Variants in ZMYND11 observed in about 807,000 individuals in gnomAD.
ZMYND11 encodes the protein zinc finger MYND-type containing 11, also known as zinc finger MYND domain-containing protein 11.
ZMYND11 carries 9 observed loss-of-function variants against 84.9 expected under a neutral mutation model. That is an observed-to-expected ratio of 0.11 (90% CI 0.06 to 0.18). The LOEUF is 0.18. Among genes scored for constraint, ZMYND11 ranks in the 10% least tolerant of loss-of-function variants. The probability of loss-of-function intolerance (pLI) is 1.00; values close to 1 mark genes in which losing one functional copy is unlikely to be tolerated. For synonymous variants in ZMYND11, 250 were observed against 244.1 expected (o/e 1.02, Z -0.23); for missense variants, 409 against 761.0 (o/e 0.54, Z 5.44).
In ZMYND11 at chr10:240,964, T is replaced by C; in HGVS notation, c.825T>C (p.Tyr275=). 6.2e-7 allele frequency: 1 copy of C among 1,613,408 alleles called. No individual in the cohort carries two copies. The highest frequency in any genetic ancestry group is 8.5e-7 in the Non-Finnish European group (1 of 1,179,708). The change falls in exon 9 of 15, where the codon TAT becomes TAC. Residue 275 remains tyrosine (Y), a synonymous_variant. Transcript: ENST00000381604. ...SNARPDNWFC[Y]PCIPNHELVW... is the part of the protein sequence containing the mutation. ...CTCGTCCTGACAACTGGTTCTGTTA[T>C]CCTTGTGTATGTGAAATTTTTACCT...
At chr10:131,954 G>C (rs1361008658), upstream of ZMYND11, among the ~76,000 whole-genome samples, 3 of 152,188 alleles carry the variant, frequency 2.0e-5, no homozygotes, top group African/African-American at 7.2e-5. Context: ...TCAAAAACAT[G>C]ATTTTTAAAA....
chr10:152,815 A>C (rs1360184839), intron 1 of ZMYND11, among the ~76,000 whole-genome samples: 2 of 152,220 alleles, frequency 1.3e-5, no homozygotes, highest in East Asian at 3.8e-4. Flanking sequence ...GTTGGAAGTA[A>C]AGCACTCCTC....
intron 1 of ZMYND11, among the ~76,000 whole-genome samples, chr10:140,270 C>G (rs562597859): frequency 6.6e-6 from 1 of 152,214 alleles, no homozygotes; most frequent in Non-Finnish European, 1.5e-5. Flanking sequence ...TCAAAATACC[C>G]AATACAATAG....
At chr10:136,738 G>C (rs1836182687) in intron 1 of ZMYND11, among the ~76,000 whole-genome samples, 1 of 152,018 alleles carries the variant, frequency 6.6e-6, no homozygotes, top group Non-Finnish European at 1.5e-5. Flanking sequence ...ATAGTACCAG[G>C]TGTCATATAC....
intron 3 of ZMYND11, among the ~76,000 whole-genome samples, chr10:216,981 A>G (rs75738026): frequency 3.3e-4 from 50 of 152,330 alleles, no homozygotes; most frequent in African/African-American, 1.2e-3. Flanking sequence ...ATTGTAGACA[A>G]TTATTTTTAC....
At chr10:212,529 A>G (rs754594697) in intron 3 of ZMYND11, among the ~76,000 whole-genome samples, 2 of 151,308 alleles carry the variant, frequency 1.3e-5, no homozygotes, top group Non-Finnish European at 2.9e-5. Flanking sequence ...GTATGTCACA[A>G]ATAAACAGGG....
chr10:196,053 C>G (rs1941648038), intron 2 of ZMYND11, among the ~76,000 whole-genome samples: 1 of 152,218 alleles, frequency 6.6e-6, no homozygotes, highest in African/African-American at 2.4e-5. Flanking sequence ...ATCTCAATCA[C>G]AGTCAGGTCT....
intron 4 of ZMYND11, among the ~76,000 whole-genome samples, chr10:233,072 T>C (rs1163800063): frequency 6.6e-6 from 1 of 152,188 alleles, no homozygotes; most frequent in East Asian, 1.9e-4. Flanking sequence ...CGAGGTCTCT[T>C]AGGAAGTTGG....
intron 1 of ZMYND11, among the ~76,000 whole-genome samples, chr10:177,648 T>C (rs1304890429): frequency 3.3e-5 from 5 of 152,174 alleles, no homozygotes; most frequent in African/African-American, 1.2e-4. Flanking sequence ...TGCTGTTAAA[T>C]TTAACATTTT....
At chr10:251,167 A>G (rs1953408098) in intron 14 of ZMYND11, among the ~76,000 whole-genome samples, 4 of 152,246 alleles carry the variant, frequency 2.6e-5, no homozygotes. Context: ...TCCATTAAAT[A>G]TATCCCCAGA....
chr10:209,745 CGTTCTTTATCTT>C, intron 2 of ZMYND11, 132 bp from the exon 3 acceptor site: 2 of 633,724 alleles, frequency 3.2e-6, no homozygotes, highest in Non-Finnish European at 4.9e-6. Flanking sequence ...TTATCGTGTT[CGTTCTTTATCTT>C]GTTCTTTATC....
chr10:177,803 A>G (rs573288959), intron 1 of ZMYND11, among the ~76,000 whole-genome samples: 3 of 152,276 alleles, frequency 2.0e-5, no homozygotes, highest in Non-Finnish European at 2.9e-5. Flanking sequence ...TCTAGAAATT[A>G]TAATATGCAT....
Position 236,895 on chromosome 10 carries a change from G to A in ZMYND11, c.496G>A (p.Val166Ile). The A allele has an allele frequency of 6.2e-7, 1 of 1,613,308 alleles. No homozygotes were observed. The highest frequency in any genetic ancestry group is 8.5e-7 in the Non-Finnish European group (1 of 1,179,772). The change falls in exon 5 of 15, where the codon GTC becomes ATC. Residue 166 changes from valine to isoleucine, a missense_variant. Coordinates refer to ENST00000381604, the MANE Select transcript of ZMYND11 (RefSeq NM_001370100.5). ...GATGGGCACATACCTCAGATTCATT[G>A]TCTCCCGCATGAAGGAGAGGGTGAG... is the stretch of plus-strand genomic sequence containing the variant. ...QEMGTYLRFI[V>I]SRMKERAIDL...
chr10:240,206 C>T, intron 8 of ZMYND11, 95 bp downstream of exon 8: 1 of 1,129,876 alleles, frequency 8.9e-7, no homozygotes, highest in Non-Finnish European at 1.2e-6. Flanking sequence ...TGTGCCATTT[C>T]CTTTAAATGT....
intron 1 of ZMYND11, among the ~76,000 whole-genome samples, chr10:171,145 C>G (rs1345840696): frequency 2.6e-5 from 4 of 151,988 alleles, no homozygotes; most frequent in Non-Finnish European, 5.9e-5. Flanking sequence ...GTGTACGCAC[C>G]TAACAACCAA....
intron 2 of ZMYND11, among the ~76,000 whole-genome samples, chr10:185,606 G>A (rs1229051542): frequency 6.6e-6 from 1 of 151,272 alleles, no homozygotes; most frequent in Non-Finnish European, 1.5e-5. Context: ...CTGAGGTCAG[G>A]GGTTCGAGAC....
At position 237,746 on chromosome 10, in the gene ZMYND11, G is replaced by A. The variant is rs971373619; in HGVS notation, c.609+69G>A. ...AACTAACAAGTTAAAGAATAATGTA[G>A]CAGTTAAGCAGATTTTGGTTGCTCT... On this transcript the variant is annotated intron_variant, in intron 6 of 14. Coordinates refer to ENST00000381604, the MANE Select transcript of ZMYND11 (RefSeq NM_001370100.5). 9 of 1,242,158 alleles carry A rather than the reference G, an allele frequency of 7.2e-6. No individual in the cohort carries two copies. In the South Asian group the frequency reaches 1.3e-4, roughly 18 times the overall value. 76.9% of individuals were successfully genotyped at this position (1,242,158 alleles called of 1,614,324 possible).
intron 10 of ZMYND11, among the ~76,000 whole-genome samples, chr10:246,387 A>G (rs1450899243): frequency 2.6e-5 from 4 of 152,218 alleles, no homozygotes; most frequent in Non-Finnish European, 4.4e-5. Context: ...AGTATTCAGA[A>G]CAACAAATAA....
chr10:247,061 A>AT, intron 11 of ZMYND11, 88 bp downstream of exon 11: 1 of 1,322,752 alleles, frequency 7.6e-7, no homozygotes, highest in East Asian at 2.5e-5. Flanking sequence ...TAATGAACAG[A>AT]TTTTGACGTT....
Sources: gnomAD v4.1 joint callset for allele counts (sites outside exome capture counted in the v4.1 genomes callset) on GRCh38, gnomAD v4.1.1 for gene constraint, MANE v1.5 for transcripts, NCBI Gene and HGNC (gene_info 2026-07-23, HGNC 2026-07-21) for gene names.